The following RAB8B variants were observed in gnomAD, a reference collection of about 807,000 sequenced individuals.
RAB8B encodes ras-related protein Rab-8B.
In RAB8B, 11 loss-of-function variants were observed where a neutral mutation model predicts 32.0. The observed-to-expected ratio is 0.34, with a 90% CI of 0.22 to 0.57. The LOEUF is 0.57. Among genes scored for constraint, RAB8B ranks in the 20% least tolerant of loss-of-function variants. The pLI, the probability that RAB8B is intolerant of heterozygous loss-of-function variation, is 0.86. For missense variants in RAB8B, 190 were observed against 258.5 expected (o/e 0.73, Z 1.82); for synonymous variants, 103 against 89.6 (o/e 1.15, Z -0.85).
intron 1 of RAB8B, among the ~76,000 whole-genome samples, chr15:63,215,873 T>C (rs1272601863): frequency 6.6e-6 from 1 of 151,792 alleles, no homozygotes; most frequent in Non-Finnish European, 1.5e-5. Context: ...CCCATCTCCA[T>C]AAAAAATTTT....
In RAB8B at chr15:63,192,837, T is replaced by C. The variant is rs144707222; in HGVS notation, c.124+3089T>C. On this transcript the variant is annotated intron_variant, in intron 1 of 7. Coordinates refer to ENST00000321437, the MANE Select transcript of RAB8B (RefSeq NM_016530.3). ...GGCTGGGTGTGGTGGCTCAAGCTTG[T>C]AACCCCAGCACTTTGGGAGACTGAG... Among the ~76,000 whole-genome samples, 841 of 152,268 alleles carry C rather than the reference T, an allele frequency of 5.5e-3. 7 individuals carry two copies. The highest frequency in any genetic ancestry group is 0.018 in the African/African-American group (750 of 41,548).
chr15:63,225,343 G>A (rs1374623853), intron 1 of RAB8B, among the ~76,000 whole-genome samples: 1 of 152,190 alleles, frequency 6.6e-6, no homozygotes, highest in African/African-American at 2.4e-5. Flanking sequence ...TGGAGTGCTA[G>A]GAGAGAATGC....
intron 1 of RAB8B, among the ~76,000 whole-genome samples, chr15:63,191,937 G>T (rs555014224): frequency 8.5e-5 from 13 of 152,314 alleles, no homozygotes; most frequent in African/African-American, 3.1e-4. Flanking sequence ...TTCAAAAAAT[G>T]ATGGAAATGA....
intron 1 of RAB8B, among the ~76,000 whole-genome samples, chr15:63,233,683 T>G (rs1441229208): frequency 3.9e-5 from 6 of 152,208 alleles, no homozygotes; most frequent in Non-Finnish European, 8.8e-5. Context: ...ACTTCAATAT[T>G]TGGGAAACTA....
At chr15:63,229,547 C>A (rs2037917020) in intron 1 of RAB8B, among the ~76,000 whole-genome samples, 1 of 151,952 alleles carries the variant, frequency 6.6e-6, no homozygotes, top group East Asian at 1.9e-4. Flanking sequence ...TTTGGGAGAC[C>A]AAGGCGGGCA....
At chr15:63,195,860 A>G (rs1309539414) in intron 1 of RAB8B, among the ~76,000 whole-genome samples, 1 of 152,242 alleles carries the variant, frequency 6.6e-6, no homozygotes, top group Non-Finnish European at 1.5e-5. Flanking sequence ...TAAGCTTCAG[A>G]AATGCAAGTA....
rs201004584 is a variant in RAB8B at position 63,249,611 on chromosome 15, T to C, written c.186-34T>C. On this transcript the variant is annotated intron_variant, in intron 2 of 7. Transcript: ENST00000321437. Reference sequence around the variant, plus strand: ...TCTCCTCAGTGATGCTGGTGATGACTTCAAAAACCACTCTCCTTTGTTTCA... The same window carrying C: ...TCTCCTCAGTGATGCTGGTGATGACCTCAAAAACCACTCTCCTTTGTTTCA... The C allele has an allele frequency of 4.4e-6, 7 of 1,607,968 alleles. No individual in the cohort carries two copies. In the East Asian group the frequency reaches 1.6e-4, roughly 36 times the overall value.
At chr15:63,193,782 G>A (rs906832725) in intron 1 of RAB8B, among the ~76,000 whole-genome samples, 1 of 151,980 alleles carries the variant, frequency 6.6e-6, no homozygotes, top group African/African-American at 2.4e-5. Flanking sequence ...CTGCATTCCA[G>A]CCTGGGCGAC....
At chr15:63,244,371 A>G (rs2038055180) in intron 1 of RAB8B, among the ~76,000 whole-genome samples, 1 of 152,176 alleles carries the variant, frequency 6.6e-6, no homozygotes, top group Admixed American at 6.5e-5. Context: ...AATATTCTTT[A>G]AAGAGGTCCC....
At chr15:63,228,704 A>G (rs1002279030) in intron 1 of RAB8B, among the ~76,000 whole-genome samples, 2 of 152,218 alleles carry the variant, frequency 1.3e-5, no homozygotes, top group Non-Finnish European at 1.5e-5. Flanking sequence ...GAGTGTGTGA[A>G]TTAGTTGTTT....
At chr15:63,256,666 A>G (rs1319477194) in intron 5 of RAB8B, 72 bp downstream of exon 5, 5 of 1,141,166 alleles carry the variant, frequency 4.4e-6, no homozygotes, top group Admixed American at 2.6e-5. Flanking sequence ...ATATTATTTA[A>G]TTATTGATTT....
chr15:63,207,560 G>GT (rs556904206), intron 1 of RAB8B, among the ~76,000 whole-genome samples: 193 of 151,274 alleles, frequency 1.3e-3, no homozygotes, highest in African/African-American at 3.6e-3. Context: ...TTAGTTTTTT[G>GT]TTTTTTTGTT....
chr15:63,232,892 A>C (rs1008807284), intron 1 of RAB8B, among the ~76,000 whole-genome samples: 8 of 151,870 alleles, frequency 5.3e-5, no homozygotes, highest in African/African-American at 1.7e-4. Context: ...CCTAATTTTC[A>C]AACAAGAAAA....
rs181376708 is a variant in RAB8B at position 63,255,322 on chromosome 15, G to A, written c.247-185G>A. 4.9e-3 allele frequency among the ~76,000 whole-genome samples: 743 copies of A among 152,268 alleles called. 6 individuals are homozygous for A. The highest frequency in any genetic ancestry group is 0.017 in the African/African-American group (719 of 41,548). ...TTAAAAGGGTTTTTATTTACATGGTGAGACCAGTGGAATAAGTATTTATTG... is the reference window on the plus strand; with the variant it reads ...TTAAAAGGGTTTTTATTTACATGGTAAGACCAGTGGAATAAGTATTTATTG... On this transcript the variant is annotated intron_variant, in intron 3 of 7. Transcript: ENST00000321437.
At chr15:63,241,415 C>A (rs1398021468) in intron 1 of RAB8B, among the ~76,000 whole-genome samples, 1 of 152,144 alleles carries the variant, frequency 6.6e-6, no homozygotes, top group Non-Finnish European at 1.5e-5. Context: ...TTAATTTATT[C>A]AGGTATACAG....
intron 1 of RAB8B, among the ~76,000 whole-genome samples, chr15:63,205,903 G>A (rs2037694412): frequency 6.6e-6 from 1 of 152,238 alleles, no homozygotes; most frequent in South Asian, 2.1e-4. Context: ...TAAAAGCAGT[G>A]AAATGTGCCT....
At chr15:63,258,125 G>A (rs1405418900) in intron 5 of RAB8B, among the ~76,000 whole-genome samples, 1 of 149,890 alleles carries the variant, frequency 6.7e-6, no homozygotes, top group East Asian at 2.0e-4. Flanking sequence ...ATTTGAGATG[G>A]AGTTTCACTC....
At chr15:63,190,141 G>A (rs1008613801) in intron 1 of RAB8B, among the ~76,000 whole-genome samples, 2 of 149,468 alleles carry the variant, frequency 1.3e-5, no homozygotes, top group African/African-American at 2.5e-5. Flanking sequence ...ATGATTAAAA[G>A]ACAGGAGAGG....
At chr15:63,263,024 T>C (rs956770978) in intron 7 of RAB8B, among the ~76,000 whole-genome samples, 5 of 152,200 alleles carry the variant, frequency 3.3e-5, no homozygotes, top group African/African-American at 1.2e-4. Context: ...GCCATAAAAT[T>C]ATTCAGTTTT....
Sources: allele counts gnomAD v4.1 joint callset (sites outside exome capture counted in the v4.1 genomes callset), GRCh38; gene constraint gnomAD v4.1.1; transcripts MANE v1.5; gene names NCBI Gene and HGNC (gene_info 2026-07-23, HGNC 2026-07-21).